Variants in MICU3 observed in about 807,000 individuals in gnomAD.
MICU3 encodes the protein mitochondrial calcium uptake 3.
A neutral mutation model predicts 66.5 loss-of-function variants in MICU3; 62 were observed. The observed-to-expected ratio is 0.93, with a 90% CI of 0.76 to 1.15. MICU3 has a LOEUF of 1.15. Among genes scored for constraint, MICU3 ranks in the 50% most tolerant of loss-of-function variants. The pLI, the probability that MICU3 is intolerant of heterozygous loss-of-function variation, is 0.00. For synonymous variants in MICU3, 308 were observed against 240.7 expected (o/e 1.28, Z -2.59); for missense variants, 779 against 664.4 (o/e 1.17, Z -1.90).
chr8:17,041,617 C>T (rs1209236379), intron 1 of MICU3, among the ~76,000 whole-genome samples: 1 of 150,844 alleles, frequency 6.6e-6, no homozygotes, highest in East Asian at 1.9e-4. Context: ...AGATGGAAGA[C>T]CCTCGATCGT....
At chr8:17,105,281 A>G in intron 10 of MICU3, 132 bp from the exon 11 acceptor site, 1 of 566,690 alleles carries the variant, frequency 1.8e-6, no homozygotes, top group Non-Finnish European at 3.1e-6. Flanking sequence ...ACAGGGAGGA[A>G]CTTTATTAAT....
intron 1 of MICU3, among the ~76,000 whole-genome samples, chr8:17,063,441 TA>T (rs11362181): frequency 0.016 from 2,381 of 152,020 alleles, 61 homozygotes; most frequent in African/African-American, 0.053. Context: ...ATCCTTTTAT[TA>T]AAAAAAATTG....
At chr8:17,042,007 T>G (rs1311166576) in intron 1 of MICU3, among the ~76,000 whole-genome samples, 1 of 152,218 alleles carries the variant, frequency 6.6e-6, no homozygotes, top group Non-Finnish European at 1.5e-5. Context: ...TTACATTTGT[T>G]CATGTTTTGT....
the MICU3 span, chr8:17,131,812 C>T: frequency 6.6e-6 from 1 of 152,190 alleles, no homozygotes; most frequent in African/African-American, 2.4e-5. Flanking sequence ...CAAGGTTTAA[C>T]ACTCGGCTAG....
intron 1 of MICU3, among the ~76,000 whole-genome samples, chr8:17,039,970 C>T (rs549473746): frequency 1.3e-4 from 17 of 126,684 alleles, no homozygotes; most frequent in Non-Finnish European, 2.2e-4. Flanking sequence ...TAGAATGGCA[C>T]GATCTCAGCT....
chr8:17,059,425 G>A (rs1033987968), intron 1 of MICU3, among the ~76,000 whole-genome samples: 4 of 152,124 alleles, frequency 2.6e-5, no homozygotes, highest in African/African-American at 9.7e-5. Context: ...TTCATTAGAA[G>A]CATTCTCTTC....
the MICU3 span, among the ~76,000 whole-genome samples, chr8:17,137,689 G>A: frequency 5.9e-4 from 83 of 141,504 alleles, no homozygotes; most frequent in African/African-American, 2.1e-3. Context: ...AAGGGAAAGA[G>A]TAATATTTTC....
At chr8:17,130,698 G>T in the MICU3 span, among the ~76,000 whole-genome samples, 1 of 152,048 alleles carries the variant, frequency 6.6e-6, no homozygotes, top group South Asian at 2.1e-4. Context: ...TATAGATTGC[G>T]ACCCATAGAA....
At chr8:17,096,149 G>C (rs891852380) in intron 8 of MICU3, among the ~76,000 whole-genome samples, 1 of 151,838 alleles carries the variant, frequency 6.6e-6, no homozygotes, top group African/African-American at 2.4e-5. Context: ...AAGTCTTTGC[G>C]TATTGGTCTA....
Position 17,105,483 on chromosome 8 carries a change from A to G in MICU3, c.1156A>G (p.Ile386Val), listed in dbSNP as rs764695159. 4.4e-6 allele frequency: 7 copies of G among 1,573,916 alleles called. No homozygotes were observed. The South Asian group carries it at 6.9e-5, about 15-fold the overall frequency. ...TTCCTACTCAAATGGAATGAATACC[A>G]TCAGTGAAGAAGATTTTGCTCATAT... Reference protein sequence around the residue: ...FLSYSNGMNTISEEDFAHILL... With the variant: ...FLSYSNGMNTVSEEDFAHILL... Residue 386 changes from isoleucine to valine, a missense_variant, in exon 11 of 15, where the codon ATC becomes GTC. Coordinates refer to ENST00000318063, the MANE Select transcript of MICU3 (RefSeq NM_181723.3).
intron 4 of MICU3, among the ~76,000 whole-genome samples, chr8:17,078,583 A>G (rs1282927143): frequency 6.6e-6 from 1 of 152,112 alleles, no homozygotes; most frequent in African/African-American, 2.4e-5. Context: ...AATATGCAAA[A>G]TAAAAATGTT....
chr8:17,088,954 A>G (rs935828332), intron 7 of MICU3, among the ~76,000 whole-genome samples: 1 of 152,004 alleles, frequency 6.6e-6, no homozygotes, highest in African/African-American at 2.4e-5. Context: ...TCTAAATTAT[A>G]CCAGCATACC....
At chr8:17,088,628 T>G (rs1799722697) in intron 7 of MICU3, among the ~76,000 whole-genome samples, 1 of 151,948 alleles carries the variant, frequency 6.6e-6, no homozygotes, top group Non-Finnish European at 1.5e-5. Context: ...AATATAATTG[T>G]TTTATTTATT....
downstream of MICU3, among the ~76,000 whole-genome samples, chr8:17,122,886 AC>A (rs5889698): frequency 0.16 from 23,857 of 151,930 alleles, 2,161 homozygotes; most frequent in Admixed American, 0.25. Context: ...GGTCATTGGT[AC>A]TGGAAAACTT....
chr8:17,103,055 T>C (rs1471926504), intron 9 of MICU3, among the ~76,000 whole-genome samples: 2 of 151,992 alleles, frequency 1.3e-5, no homozygotes, highest in African/African-American at 4.8e-5. Flanking sequence ...ATGCTGGAGT[T>C]TTTAAGACAT....
chr8:17,136,419 C>T, the MICU3 span, among the ~76,000 whole-genome samples: 6 of 152,060 alleles, frequency 3.9e-5, no homozygotes, highest in East Asian at 1.9e-4. Flanking sequence ...TTGTGACCAC[C>T]GCAGTTGCAC....
At position 17,112,740 on chromosome 8, in the gene MICU3, A is replaced by G. The variant is rs552443020; in HGVS notation, c.1258-1353A>G. 1.0e-3 allele frequency among the ~76,000 whole-genome samples: 155 copies of G among 152,282 alleles called. 1 individual carries two copies. Among genetic ancestry groups the G allele is most frequent in the Non-Finnish European group, 2.0e-3 (136 of 68,018 alleles). On this transcript the variant is annotated intron_variant, in intron 11 of 14. Transcript: ENST00000318063. ...TGATATTTTTGTTTTCCCTTTATTT[A>G]AAAATATTCCATCCTCGTGTGTTTT...
intron 3 of MICU3, among the ~76,000 whole-genome samples, chr8:17,074,997 G>A (rs1820164407): frequency 2.0e-5 from 3 of 152,184 alleles, no homozygotes; most frequent in African/African-American, 7.2e-5. Context: ...TACAAGTCTA[G>A]GAGGTTGCCA....
At chr8:17,098,149 C>T (rs540258056) in intron 8 of MICU3, among the ~76,000 whole-genome samples, 1 of 151,642 alleles carries the variant, frequency 6.6e-6, no homozygotes, top group Admixed American at 6.6e-5. Context: ...AATTTTTTTT[C>T]ACCCTTTCTT....
Sources: allele counts gnomAD v4.1 joint callset (sites outside exome capture counted in the v4.1 genomes callset), GRCh38; gene constraint gnomAD v4.1.1; transcripts MANE v1.5; gene names NCBI Gene and HGNC (gene_info 2026-07-23, HGNC 2026-07-21).